FPR3: variants seen among roughly 807,000 people sequenced by gnomAD.
FPR3 encodes N-formyl peptide receptor 3.
For synonymous variants in FPR3, 135 were observed against 163.6 expected (o/e 0.83, Z 1.34); for missense variants, 346 against 443.2 (o/e 0.78, Z 1.97).
chr19:51,799,642 G>A (rs985306134), intron 1 of FPR3, among the ~76,000 whole-genome samples: 2 of 152,198 alleles, frequency 1.3e-5, no homozygotes, highest in Non-Finnish European at 2.9e-5. Flanking sequence ...CAGTTAACTT[G>A]GAGATTCTCC....
At chr19:51,803,526 T>A (rs2084038545) in intron 1 of FPR3, among the ~76,000 whole-genome samples, 1 of 151,884 alleles carries the variant, frequency 6.6e-6, no homozygotes, top group African/African-American at 2.4e-5. Flanking sequence ...TAGAGTTCTG[T>A]GCATTTCCAA....
intron 1 of FPR3, among the ~76,000 whole-genome samples, chr19:51,801,079 TG>T (rs1379824782): frequency 6.6e-6 from 1 of 151,718 alleles, no homozygotes; most frequent in African/African-American, 2.4e-5. Context: ...AAAAGACTGA[TG>T]GGGGAAAAAA....
intron 1 of FPR3, among the ~76,000 whole-genome samples, chr19:51,818,849 A>G (rs1568431565): frequency 6.6e-6 from 1 of 152,178 alleles, no homozygotes; most frequent in Non-Finnish European, 1.5e-5. Context: ...GAAGCCATAG[A>G]AGAGTGCTGA....
chr19:51,800,144 T>C (rs2084020066), intron 1 of FPR3, among the ~76,000 whole-genome samples: 1 of 152,222 alleles, frequency 6.6e-6, no homozygotes, highest in Admixed American at 6.5e-5. Flanking sequence ...CAACTGCACC[T>C]GAGTCCCCAG....
At chr19:51,810,676 C>T (rs932302967) in intron 1 of FPR3, among the ~76,000 whole-genome samples, 2 of 152,190 alleles carry the variant, frequency 1.3e-5, no homozygotes, top group African/African-American at 4.8e-5. Flanking sequence ...CACTAGTGGA[C>T]AAGCAAGTTC....
rs1251169558 is a variant in FPR3 at position 51,824,701 on chromosome 19, C to T, written c.953C>T (p.Pro318Leu). The T allele has an allele frequency of 1.2e-6, 2 of 1,614,066 alleles. No individual in the cohort carries two copies. The highest frequency in any genetic ancestry group is 2.2e-5 in the South Asian group (2 of 91,078). Reference sequence around the variant, plus strand: ...CAAGAAAGACTGATTCGCTCTTTGCCCACTAGTTTGGAGAGGGCCCTGACT... The same window carrying T: ...CAAGAAAGACTGATTCGCTCTTTGCTCACTAGTTTGGAGAGGGCCCTGACT... ...NFQERLIRSLPTSLERALTEV... is the reference protein window; with the variant it reads ...NFQERLIRSLLTSLERALTEV... Residue 318 changes from proline (P) to leucine (L), a missense_variant, in exon 2 of 2, where the codon CCC (proline) becomes CTC (leucine). Coordinates refer to ENST00000339223, the MANE Select transcript of FPR3 (RefSeq NM_002030.5). The surrounding 1 kb of genome is among the most constrained non-coding windows in gnomAD (Gnocchi z 4.7).
Position 51,824,523 on chromosome 19 carries a change from C to T in FPR3, c.775C>T (p.Leu259=). The T allele has an allele frequency of 6.2e-7, 1 of 1,614,100 alleles. No homozygotes were observed. The highest frequency in any genetic ancestry group is 2.2e-5 in the East Asian group (1 of 44,866). The part of the protein sequence containing the change: ...SFFICWFPYE[L]IGILMAVWLK... ...CTTCATCTGTTGGTTCCCTTATGAA[C>T]TAATTGGCATTCTAATGGCAGTCTG... is the stretch of plus-strand genomic sequence containing the variant. The change falls in exon 2 of 2, where the codon CTA becomes TTA. Residue 259 remains leucine, a synonymous_variant. Transcript: ENST00000339223. The surrounding 1 kb of genome is among the most constrained non-coding windows in gnomAD (Gnocchi z 4.7).
intron 1 of FPR3, among the ~76,000 whole-genome samples, chr19:51,799,715 G>A (rs2084018159): frequency 1.3e-5 from 2 of 152,224 alleles, no homozygotes; most frequent in Admixed American, 1.3e-4. Context: ...CTGCAGGAGG[G>A]CAGATCCTAT....
intron 1 of FPR3, among the ~76,000 whole-genome samples, chr19:51,823,054 A>C (rs572575716): frequency 6.6e-6 from 1 of 152,002 alleles, no homozygotes; most frequent in East Asian, 1.9e-4. Flanking sequence ...GTAGAGATGG[A>C]GTTTCACCAT....
At chr19:51,800,567 T>A (rs2084022190) in intron 1 of FPR3, among the ~76,000 whole-genome samples, 1 of 152,048 alleles carries the variant, frequency 6.6e-6, no homozygotes, top group Admixed American at 6.5e-5. Context: ...AATGTGATAG[T>A]GATGTTCCTT....
chr19:51,805,234 CG>C (rs2084050695), intron 1 of FPR3: 1 of 152,134 alleles, frequency 6.6e-6, no homozygotes, highest in Non-Finnish European at 1.5e-5. Context: ...CTCCGATTGG[CG>C]GTCCATCCGA....
At chr19:51,797,309 CTT>C (rs34555390) in intron 1 of FPR3, among the ~76,000 whole-genome samples, 26,454 of 151,984 alleles carry the variant, frequency 0.17, 2,961 homozygotes, top group Admixed American at 0.28. Flanking sequence ...GAGACATTCT[CTT>C]TGGATGTTTG....
At chr19:51,805,760 C>T (rs2084054665) in intron 1 of FPR3, among the ~76,000 whole-genome samples, 1 of 152,106 alleles carries the variant, frequency 6.6e-6, no homozygotes, top group Non-Finnish European at 1.5e-5. Flanking sequence ...TTACAGAGGA[C>T]ATCACAACAG....
At chr19:51,810,963 A>G (rs961128689) in intron 1 of FPR3, among the ~76,000 whole-genome samples, 1 of 152,154 alleles carries the variant, frequency 6.6e-6, no homozygotes, top group Non-Finnish European at 1.5e-5. Flanking sequence ...TTCTGCTACC[A>G]AAGGAGGCAA....
At chr19:51,799,056 G>A (rs1003195250) in intron 1 of FPR3, among the ~76,000 whole-genome samples, 2 of 151,570 alleles carry the variant, frequency 1.3e-5, no homozygotes, top group Non-Finnish European at 2.9e-5. Context: ...GCAGTGAGCC[G>A]AGATCACACC....
At chr19:51,810,363 T>A (rs2084087933) in intron 1 of FPR3, among the ~76,000 whole-genome samples, 1 of 152,188 alleles carries the variant, frequency 6.6e-6, no homozygotes, top group African/African-American at 2.4e-5. Context: ...GTATGAGGAA[T>A]CTGACGCTTC....
chr19:51,798,760 C>T (rs2084013568), intron 1 of FPR3, among the ~76,000 whole-genome samples: 1 of 152,122 alleles, frequency 6.6e-6, no homozygotes, highest in Non-Finnish European at 1.5e-5. Context: ...TAGATGTAAA[C>T]AAGTGCTACA....
intron 1 of FPR3, among the ~76,000 whole-genome samples, chr19:51,801,224 T>A (rs752820790): frequency 2.0e-4 from 30 of 152,138 alleles, no homozygotes; most frequent in Non-Finnish European, 3.4e-4. Context: ...CTAGATTATT[T>A]ATTAATTTAT....
At chr19:51,817,656 C>T (rs2084149591) in intron 1 of FPR3, 1 of 152,094 alleles carries the variant, frequency 6.6e-6, no homozygotes, top group Non-Finnish European at 1.5e-5. Context: ...CTGTTCTACT[C>T]ATCAATACAG....
Sources: allele counts gnomAD v4.1 joint callset (sites outside exome capture counted in the v4.1 genomes callset), GRCh38; gene constraint gnomAD v4.1.1; non-coding constraint Gnocchi (gnomAD v3.1); transcripts MANE v1.5; gene names NCBI Gene and HGNC (gene_info 2026-07-23, HGNC 2026-07-21).